Variants in RBMS3 observed in about 807,000 individuals in gnomAD.
RBMS3 encodes RNA binding motif single stranded interacting protein 3, also known as RNA-binding motif, single-stranded-interacting protein 3.
In RBMS3, 27 loss-of-function variants were observed where a neutral mutation model predicts 66.8. That is an observed-to-expected ratio of 0.40 (90% CI 0.30 to 0.56). The LOEUF is 0.56. Among genes scored for constraint, RBMS3 ranks in the 20% least tolerant of loss-of-function variants. RBMS3 has a pLI of 0.40. For synonymous variants in RBMS3, 188 were observed against 183.0 expected (o/e 1.03, Z -0.22); for missense variants, 513 against 549.5 (o/e 0.93, Z 0.66).
chr3:29,697,092 A>G (rs2052315059), intron 4 of RBMS3: 1 of 985,430 alleles, frequency 1.0e-6, no homozygotes, highest in Non-Finnish European at 1.2e-6. Flanking sequence ...CATGGTAAGG[A>G]CAAGGTAATA....
chr3:29,614,515 A>G (rs539706426), intron 4 of RBMS3: 1 of 152,314 alleles, frequency 6.6e-6, no homozygotes, highest in East Asian at 1.9e-4. Context: ...TATATTAATT[A>G]GCTTTGTTTA....
chr3:29,352,824 GA>G (rs2036994187), intron 1 of RBMS3, among the ~76,000 whole-genome samples: 1 of 151,678 alleles, frequency 6.6e-6, no homozygotes, highest in South Asian at 2.1e-4. Context: ...TCCCACATGT[GA>G]CTGAGAATAT....
At chr3:29,307,105 T>G (rs1198787676) in intron 1 of RBMS3, among the ~76,000 whole-genome samples, 3 of 151,954 alleles carry the variant, frequency 2.0e-5, no homozygotes, top group Non-Finnish European at 4.4e-5. Flanking sequence ...GTTCTATGCC[T>G]ACTATTTCCA....
intron 3 of RBMS3, among the ~76,000 whole-genome samples, chr3:29,542,309 T>C (rs1204679135): frequency 6.6e-6 from 1 of 152,160 alleles, no homozygotes; most frequent in Non-Finnish European, 1.5e-5. Flanking sequence ...TCCCTTATCC[T>C]AACAAGCAGG....
At chr3:29,661,258 G>C (rs1051087360) in intron 4 of RBMS3, among the ~76,000 whole-genome samples, 1 of 152,176 alleles carries the variant, frequency 6.6e-6, no homozygotes, top group Non-Finnish European at 1.5e-5. Context: ...CAGGTGGGGA[G>C]ACAAATTCTT....
chr3:29,469,327 A>G (rs1022533811), intron 2 of RBMS3, among the ~76,000 whole-genome samples: 3 of 152,058 alleles, frequency 2.0e-5, no homozygotes, highest in African/African-American at 7.2e-5. Context: ...GCATGCTTCA[A>G]TGATCCCACT....
chr3:29,504,935 G>A (rs957423288), intron 3 of RBMS3, among the ~76,000 whole-genome samples: 2 of 152,026 alleles, frequency 1.3e-5, no homozygotes, highest in South Asian at 2.1e-4. Flanking sequence ...TTTAAAATTA[G>A]GATATTGAAT....
chr3:29,699,133 A>C (rs1031519915), intron 4 of RBMS3, among the ~76,000 whole-genome samples: 20 of 152,190 alleles, frequency 1.3e-4, no homozygotes, highest in Admixed American at 8.5e-4. Context: ...CCTTCTTGAA[A>C]GAAGGTTTCA....
intron 1 of RBMS3, among the ~76,000 whole-genome samples, chr3:29,303,690 G>T (rs9865738): frequency 2.0e-5 from 3 of 151,938 alleles, no homozygotes; most frequent in East Asian, 2.0e-4. Flanking sequence ...TGTACTTACC[G>T]CAATAACAGA....
intron 3 of RBMS3, among the ~76,000 whole-genome samples, chr3:29,562,155 T>C (rs894475100): frequency 6.6e-6 from 1 of 152,180 alleles, no homozygotes; most frequent in Non-Finnish European, 1.5e-5. Flanking sequence ...TTTTGAATGA[T>C]TTTTGTTTGT....
chr3:29,623,728 A>C (rs2048960324), intron 4 of RBMS3, among the ~76,000 whole-genome samples: 1 of 152,224 alleles, frequency 6.6e-6, no homozygotes, highest in Non-Finnish European at 1.5e-5. Context: ...GAAACTAAGT[A>C]AACTTCAGCT....
chr3:29,812,436 G>T (rs560515480), intron 6 of RBMS3, among the ~76,000 whole-genome samples: 13 of 152,264 alleles, frequency 8.5e-5, no homozygotes, highest in African/African-American at 3.1e-4. Context: ...AAGATTCTAG[G>T]TATTGGTACT....
rs144023749 is a variant in RBMS3, at chr3:29,981,273, T to A, written c.1099-6870T>A. On this transcript the variant is annotated intron_variant, in intron 12 of 14. Transcript: ENST00000383767. The stretch of plus-strand genomic sequence containing the variant: ...AGAAATGCTTGTGATTTTTTCACAT[T>A]GATTTTGTATCCTGAGACTGTGCTG... 7.2e-5 allele frequency among the ~76,000 whole-genome samples: 11 copies of A among 152,336 alleles called. No homozygotes were observed. The East Asian group carries it at 1.7e-3, about 24-fold the overall frequency.
At chr3:29,803,011 C>T (rs540345482) in intron 6 of RBMS3, among the ~76,000 whole-genome samples, 1 of 152,050 alleles carries the variant, frequency 6.6e-6, no homozygotes, top group Non-Finnish European at 1.5e-5. Context: ...ATGGGACGAA[C>T]GGCTTTATCT....
At chr3:29,880,731 A>G (rs1473491392) in intron 7 of RBMS3, 12 of 1,507,478 alleles carry the variant, frequency 8.0e-6, no homozygotes, top group Non-Finnish European at 1.1e-5. Context: ...ACAATGTTCC[A>G]AATGCATATG....
rs79389837 is a variant in RBMS3 at position 29,598,973 on chromosome 3, G to A, written c.399+11768G>A. On this transcript the variant is annotated intron_variant, in intron 4 of 14. Coordinates refer to ENST00000383767, the MANE Select transcript of RBMS3 (RefSeq NM_001003793.3). ...TGAAGTATTAGAAAGAATAAAAATTGTGCAGTAACAGAACTAAATTCCATA... is the reference window on the plus strand; with the variant it reads ...TGAAGTATTAGAAAGAATAAAAATTATGCAGTAACAGAACTAAATTCCATA... Among the ~76,000 whole-genome samples, 172 of 152,062 alleles carry A rather than the reference G, an allele frequency of 1.1e-3. 1 individual carries two copies. In the East Asian group the frequency reaches 0.028, roughly 25 times the overall value.
At chr3:29,691,931 T>TTCTCCTCTCTCTC (rs1553643122) in intron 4 of RBMS3, among the ~76,000 whole-genome samples, 1 of 114,860 alleles carries the variant, frequency 8.7e-6, no homozygotes, top group African/African-American at 3.3e-5. Context: ...TGTGTGACCC[T>TTCTCCTCTCTCTC]TCTCTCTCTC....
At chr3:29,529,696 G>C (rs1008856251) in intron 3 of RBMS3, among the ~76,000 whole-genome samples, 1 of 152,126 alleles carries the variant, frequency 6.6e-6, no homozygotes. Flanking sequence ...GAGTGTTTTG[G>C]TGAGGTCTAA....
Position 29,582,411 on chromosome 3 carries a change from G to A in RBMS3, c.308-4703G>A, listed in dbSNP as rs571347756. Among the ~76,000 whole-genome samples, 5 of 152,304 alleles carry A rather than the reference G, an allele frequency of 3.3e-5. No homozygotes were observed. The South Asian group carries it at 6.2e-4, about 19-fold the overall frequency. On this transcript the variant is annotated intron_variant, in intron 3 of 14. Transcript: ENST00000383767. The stretch of plus-strand genomic sequence containing the variant: ...CTTCCCGCTAATTGCAGAACTGCTG[G>A]CCTTCTCCCCCTGACAAGGAAGAAA...
Sources: gnomAD v4.1 joint callset for allele counts (sites outside exome capture counted in the v4.1 genomes callset) on GRCh38, gnomAD v4.1.1 for gene constraint, MANE v1.5 for transcripts, NCBI Gene and HGNC (gene_info 2026-07-23, HGNC 2026-07-21) for gene names.